Variants in TRAPPC9 observed in about 807,000 individuals in gnomAD.
The protein encoded by TRAPPC9 is IKK2 binding protein.
TRAPPC9 carries 83 observed loss-of-function variants against 124.0 expected under a neutral mutation model. That is an observed-to-expected ratio of 0.67 (90% CI 0.56 to 0.80). The LOEUF (loss-of-function observed/expected upper bound fraction) is 0.80. TRAPPC9 is among the 30% of genes least tolerant of loss of function. TRAPPC9 has a pLI of 0.00. For missense variants in TRAPPC9, 1,302 were observed against 1,508.3 expected (o/e 0.86, Z 2.27); for synonymous variants, 638 against 617.5 (o/e 1.03, Z -0.49).
upstream of TRAPPC9, chr8:140,457,905 G>C (rs570114903): frequency 6.3e-4 from 438 of 690,178 alleles, 11 homozygotes; most frequent in African/African-American, 8.0e-3. Context: ...AGGGAGGGAG[G>C]GGACATGGGG....
chr8:140,226,473 T>A (rs2063454515), intron 16 of TRAPPC9, among the ~76,000 whole-genome samples: 1 of 151,388 alleles, frequency 6.6e-6, no homozygotes, highest in African/African-American at 2.4e-5. Context: ...ATGCCTATAG[T>A]CCCAGCTACT....
chr8:140,439,374 T>C (rs2070930577), intron 2 of TRAPPC9, among the ~76,000 whole-genome samples, 177 bp from the exon 3 acceptor site: 1 of 152,188 alleles, frequency 6.6e-6, no homozygotes, highest in Non-Finnish European at 1.5e-5. Context: ...TGGTCTTAAT[T>C]TCAAAAATGT....
At chr8:140,261,692 T>C (rs754604175) in intron 15 of TRAPPC9, among the ~76,000 whole-genome samples, 23 of 152,182 alleles carry the variant, frequency 1.5e-4, no homozygotes, top group Non-Finnish European at 2.6e-4. Flanking sequence ...TATAGCACTA[T>C]TCTTGCCTGT....
intron 21 of TRAPPC9, among the ~76,000 whole-genome samples, chr8:139,842,700 T>C (rs534246363): frequency 1.8e-3 from 280 of 152,190 alleles, no homozygotes; most frequent in African/African-American, 6.6e-3. Context: ...CACAGAGAAG[T>C]GTCCCTCCAC....
chr8:140,154,740 GAAGT>G (rs1221947515), intron 17 of TRAPPC9, among the ~76,000 whole-genome samples: 1 of 152,148 alleles, frequency 6.6e-6, no homozygotes, highest in African/African-American at 2.4e-5. Context: ...ATCTCAGTTT[GAAGT>G]AATATCCTCA....
intron 15 of TRAPPC9, among the ~76,000 whole-genome samples, chr8:140,256,062 C>T (rs895382676): frequency 1.3e-5 from 2 of 152,196 alleles, no homozygotes; most frequent in African/African-American, 2.4e-5. Context: ...ACTCTAATTA[C>T]AGGATAAAAA....
intron 11 of TRAPPC9, among the ~76,000 whole-genome samples, chr8:140,296,695 G>C (rs1458816439): frequency 6.6e-6 from 1 of 152,216 alleles, no homozygotes; most frequent in Non-Finnish European, 1.5e-5. Context: ...AATTCCTAGT[G>C]ATGTTTGAAC....
intron 17 of TRAPPC9, among the ~76,000 whole-genome samples, chr8:140,150,668 A>G (rs1028309670): frequency 1.3e-5 from 2 of 152,190 alleles, no homozygotes; most frequent in African/African-American, 2.4e-5. Context: ...TAAAGATCAC[A>G]TGGGTGACAA....
intron 7 of TRAPPC9, among the ~76,000 whole-genome samples, chr8:140,377,588 C>T (rs577116525): frequency 6.6e-6 from 1 of 152,202 alleles, no homozygotes; most frequent in East Asian, 1.9e-4. Context: ...AGCCACTGCA[C>T]CCAGCCAAGT....
chr8:139,971,583 C>T (rs536115016), intron 19 of TRAPPC9, among the ~76,000 whole-genome samples: 3 of 152,210 alleles, frequency 2.0e-5, no homozygotes, highest in South Asian at 2.1e-4. Context: ...TCTATCCCCT[C>T]GAGCCCAGTG....
chr8:139,961,907 C>T lies in TRAPPC9; in HGVS notation c.2810+26819G>A, dbSNP rs890816715. On this transcript the variant is annotated intron_variant, in intron 19 of 22. Coordinates refer to ENST00000438773, the MANE Select transcript of TRAPPC9 (RefSeq NM_001160372.4). ...GAGGACAAACAGGGCAGAGAGATGA[C>T]GGGATGACCAGCTGCAGAGACAAAT... 4.9e-5 allele frequency among the ~76,000 whole-genome samples: 6 copies of T among 123,632 alleles called. 2 individuals are homozygous for T. Among genetic ancestry groups the T allele is most frequent in the African/African-American group, 1.0e-4 (4 of 39,042 alleles). The allele number at this position is 123,632 out of a possible 152,430, so 81.1% of individuals were successfully genotyped here. A position where few individuals can be genotyped will look rare whatever the true frequency, so the allele number is the denominator to read the frequency against.
At chr8:139,869,565 C>T (rs922299824) in intron 21 of TRAPPC9, among the ~76,000 whole-genome samples, 1 of 152,180 alleles carries the variant, frequency 6.6e-6, no homozygotes. Flanking sequence ...AAGAACTACC[C>T]CGTATCATTA....
intron 3 of TRAPPC9, among the ~76,000 whole-genome samples, chr8:140,438,090 C>T (rs2070881785): frequency 6.6e-6 from 1 of 152,180 alleles, no homozygotes; most frequent in Non-Finnish European, 1.5e-5. Flanking sequence ...GTGCAACCAT[C>T]ACCACTAACT....
intron 21 of TRAPPC9, among the ~76,000 whole-genome samples, chr8:139,869,946 T>C (rs985046484): frequency 6.6e-6 from 1 of 152,104 alleles, no homozygotes; most frequent in African/African-American, 2.4e-5. Context: ...CTTAAATAAC[T>C]GTATTTATAA....
chr8:139,948,303 G>A (rs908907028), intron 19 of TRAPPC9, among the ~76,000 whole-genome samples: 2 of 146,398 alleles, frequency 1.4e-5, no homozygotes, highest in Non-Finnish European at 3.0e-5. Context: ...ACACTGTGAC[G>A]TACAGATCCT....
chr8:139,775,272 G>GGT (rs1303453608), intron 21 of TRAPPC9, among the ~76,000 whole-genome samples: 1 of 152,188 alleles, frequency 6.6e-6, no homozygotes, highest in African/African-American at 2.4e-5. Context: ...CCAGTCACAG[G>GGT]GTGAGTTCTC....
intron 16 of TRAPPC9, among the ~76,000 whole-genome samples, chr8:140,240,258 T>C (rs2063827134): frequency 1.3e-5 from 1 of 77,424 alleles, no homozygotes; most frequent in Non-Finnish European, 2.6e-5. Context: ...TGCATTTTTC[T>C]AGGGGGGGAC....
chr8:139,841,544 C>T (rs913708732), intron 21 of TRAPPC9, among the ~76,000 whole-genome samples: 1 of 152,236 alleles, frequency 6.6e-6, no homozygotes, highest in Non-Finnish European at 1.5e-5. Context: ...GGTCAACACA[C>T]CTGCCGAGTG....
chr8:139,885,715 C>T (rs568368828), intron 21 of TRAPPC9, among the ~76,000 whole-genome samples, 164 bp downstream of exon 21: 21 of 152,222 alleles, frequency 1.4e-4, no homozygotes, highest in Middle Eastern at 3.2e-3. Context: ...GAGGTGCTGG[C>T]GCAGTATGGT....
Sources: allele counts gnomAD v4.1 joint callset (sites outside exome capture counted in the v4.1 genomes callset), GRCh38; gene constraint gnomAD v4.1.1; transcripts MANE v1.5; gene names NCBI Gene and HGNC (gene_info 2026-07-23, HGNC 2026-07-21).